ATP6V1B2: variants seen among roughly 807,000 people sequenced by gnomAD.
ATP6V1B2 encodes the protein V-type proton ATPase subunit B, brain isoform.
ATP6V1B2 carries 23 observed loss-of-function variants against 66.7 expected under a neutral mutation model. The observed-to-expected ratio is 0.34, with a 90% confidence interval of 0.25 to 0.49. The LOEUF (loss-of-function observed/expected upper bound fraction) is 0.49, where lower values mean the gene tolerates loss of function less well. Ranked by LOEUF, ATP6V1B2 falls within the 20% of genes least tolerant of loss-of-function variation. ATP6V1B2 has a pLI of 0.99. For synonymous variants in ATP6V1B2, 278 were observed against 236.7 expected (o/e 1.17, Z -1.60); for missense variants, 478 against 650.8 (o/e 0.73, Z 2.89).
intron 2 of ATP6V1B2, 86 bp downstream of exon 2, chr8:20,204,625 G>A (rs2072719652): frequency 9.8e-6 from 12 of 1,220,862 alleles, no homozygotes; most frequent in African/African-American, 3.1e-5. Flanking sequence ...TTTTTGTTAT[G>A]ATTTTTAAGC....
At chr8:20,199,095 C>G (rs752240045) in intron 1 of ATP6V1B2, among the ~76,000 whole-genome samples, 5 of 152,168 alleles carry the variant, frequency 3.3e-5, no homozygotes, top group Non-Finnish European at 7.3e-5. Context: ...CAGAGAATAT[C>G]AACTGAAATA....
chr8:20,211,791 T>C, intron 7 of ATP6V1B2, 38 bp downstream of exon 7: 1 of 1,517,204 alleles, frequency 6.6e-7, no homozygotes, highest in Non-Finnish European at 9.0e-7. Flanking sequence ...TATGTAAAAT[T>C]TTGCTTGTGT....
At chr8:20,199,900 C>G (rs1336262225) in intron 1 of ATP6V1B2, among the ~76,000 whole-genome samples, 1 of 151,326 alleles carries the variant, frequency 6.6e-6, no homozygotes, top group Non-Finnish European at 1.5e-5. Context: ...CATGAGCCAC[C>G]ACGCCCAGCC....
intron 10 of ATP6V1B2, 97 bp downstream of exon 10, chr8:20,215,065 C>A: frequency 7.8e-7 from 1 of 1,284,682 alleles, no homozygotes; most frequent in Non-Finnish European, 1.1e-6. Flanking sequence ...GAGAACACAT[C>A]CCCTAAGAGT....
At chr8:20,204,745 A>G (rs1486482731) in intron 2 of ATP6V1B2, among the ~76,000 whole-genome samples, 1 of 152,182 alleles carries the variant, frequency 6.6e-6, no homozygotes, top group Non-Finnish European at 1.5e-5. Flanking sequence ...CCAAAATATC[A>G]TCCAAGAAAA....
At chr8:20,215,760 G>A (rs1218410724) in intron 10 of ATP6V1B2, 1 of 152,148 alleles carries the variant, frequency 6.6e-6, no homozygotes, top group African/African-American at 2.4e-5. Flanking sequence ...TTGTTCCAAG[G>A]GAGTAGCTAC....
intron 1 of ATP6V1B2, among the ~76,000 whole-genome samples, chr8:20,200,496 A>G (rs566006859): frequency 6.6e-6 from 1 of 152,346 alleles, no homozygotes; most frequent in Admixed American, 6.5e-5. Context: ...TACAAATTAG[A>G]TCCTTTTAAA....
At chr8:20,203,862 A>G (rs1563803777) in intron 1 of ATP6V1B2, 2 of 388,332 alleles carry the variant, frequency 5.2e-6, no homozygotes, top group South Asian at 3.9e-5. Flanking sequence ...ATCTTGTTTG[A>G]CCCCCTGGCC....
chr8:20,204,641 T>G (rs1211118072), intron 2 of ATP6V1B2, 102 bp downstream of exon 2: 3 of 967,534 alleles, frequency 3.1e-6, no homozygotes, highest in Non-Finnish European at 4.6e-6. Flanking sequence ...TAAGCCATAC[T>G]TTAGACTGGG....
chr8:20,203,565 C>T (rs1156528450), intron 1 of ATP6V1B2, among the ~76,000 whole-genome samples: 1 of 152,060 alleles, frequency 6.6e-6, no homozygotes, highest in African/African-American at 2.4e-5. Flanking sequence ...TTATTTTAGG[C>T]CTTATAGTAA....
intron 1 of ATP6V1B2, among the ~76,000 whole-genome samples, chr8:20,199,072 T>G (rs1347426716): frequency 6.6e-6 from 1 of 152,226 alleles, no homozygotes; most frequent in Non-Finnish European, 1.5e-5. Flanking sequence ...TAATTAATCA[T>G]TCAGTGTCAA....
Position 20,220,417 on chromosome 8 carries a change from T to G in ATP6V1B2, c.*15T>G. The G allele has an allele frequency of 6.4e-7, 1 of 1,558,606 alleles. No individual in the cohort carries two copies. The highest frequency in any genetic ancestry group is 1.2e-5 in the South Asian group (1 of 81,582). On this transcript the variant is annotated 3_prime_UTR_variant, in exon 14 of 14. Transcript: ENST00000276390. ...CAAAGCATTAGCTGCTGCTTCTGCA[T>G]TGCTCCGCGCTCTTGTGAAATACTG...
chr8:20,201,202 G>A (rs1240321545), intron 1 of ATP6V1B2, among the ~76,000 whole-genome samples: 4 of 152,322 alleles, frequency 2.6e-5, no homozygotes, highest in Admixed American at 1.3e-4. Context: ...GTTGTCAGAA[G>A]TTCTGATTAT....
rs1157264195 is a variant in ATP6V1B2, at chr8:20,221,011, T to TA, written c.*610dup. The stretch of plus-strand genomic sequence containing the variant: ...CTTACGTATTGGGATTCCTGTGTCT[T>TA]ACAGCTCTCCCTCTCCAAATAATAC... On this transcript the variant is annotated 3_prime_UTR_variant, in exon 14 of 14. Transcript: ENST00000276390. 3 of 152,164 alleles carry TA rather than the reference T, an allele frequency of 2.0e-5. No individual in the cohort carries two copies. The highest frequency in any genetic ancestry group is 6.6e-5 in the Admixed American group (1 of 15,244). The allele number at this position is 152,164 out of a possible 1,614,324, so 9.4% of individuals were successfully genotyped here. A position where few individuals can be genotyped will look rare whatever the true frequency, so the allele number is the denominator to read the frequency against.
chr8:20,212,933 T>G, intron 9 of ATP6V1B2, 28 bp downstream of exon 9: 1 of 1,612,162 alleles, frequency 6.2e-7, no homozygotes, highest in Non-Finnish European at 8.5e-7. Context: ...TTCCCTCAGT[T>G]AAACAAAATT....
intron 1 of ATP6V1B2, among the ~76,000 whole-genome samples, chr8:20,198,266 A>G (rs535909299): frequency 2.0e-5 from 3 of 152,306 alleles, no homozygotes; most frequent in African/African-American, 7.2e-5. Flanking sequence ...AGGTTCTTAA[A>G]TTCTCGCTGG....
At chr8:20,199,366 C>G (rs1320188821) in intron 1 of ATP6V1B2, among the ~76,000 whole-genome samples, 1 of 152,004 alleles carries the variant, frequency 6.6e-6, no homozygotes, top group South Asian at 2.1e-4. Context: ...ACTCCTTGCT[C>G]GAATAATTCA....
At position 20,220,599 on chromosome 8, in the gene ATP6V1B2, G is replaced by C; in HGVS notation, c.*197G>C. The C allele has an allele frequency of 1.4e-6, 1 of 728,710 alleles. No individual in the cohort carries two copies. Among genetic ancestry groups the C allele is most frequent in the Non-Finnish European group, 2.0e-6 (1 of 495,488 alleles). 45.1% of individuals were successfully genotyped at this position (728,710 alleles called of 1,614,324 possible). On this transcript the variant is annotated 3_prime_UTR_variant, in exon 14 of 14. Coordinates refer to ENST00000276390, the MANE Select transcript of ATP6V1B2 (RefSeq NM_001693.4). ...CAGACCTTAAAATATCCCCCTACCT[G>C]GGTCCTCAGTGCTATGTTTAAAGTG...
chr8:20,216,711 C>T (rs1188519828), intron 11 of ATP6V1B2: 1 of 403,620 alleles, frequency 2.5e-6, no homozygotes, highest in Non-Finnish European at 4.4e-6. Flanking sequence ...TTTATTGTGT[C>T]TTAAAACAGA....
Sources: gnomAD v4.1 joint callset for allele counts (sites outside exome capture counted in the v4.1 genomes callset) on GRCh38, gnomAD v4.1.1 for gene constraint, MANE v1.5 for transcripts, NCBI Gene and HGNC (gene_info 2026-07-23, HGNC 2026-07-21) for gene names.